The following CNTNAP5 variants were observed in gnomAD, a reference collection of about 807,000 sequenced individuals.
The protein encoded by CNTNAP5 is contactin-associated protein-like 5.
A neutral mutation model predicts 150.2 loss-of-function variants in CNTNAP5; 72 were observed. That is an observed-to-expected ratio of 0.48 (90% confidence interval 0.40 to 0.58). The LOEUF is 0.58. Among genes scored for constraint, CNTNAP5 ranks in the 20% least tolerant of loss-of-function variants. CNTNAP5 has a pLI of 0.00. For missense variants in CNTNAP5, 1,636 were observed against 1,626.2 expected, an observed-to-expected ratio of 1.01 and a Z score of -0.10; for synonymous variants, 672 against 619.8, an observed-to-expected ratio of 1.08 and a Z score of -1.25.
chr2:124,568,201 G>A lies in CNTNAP5; in HGVS notation c.1756+4878G>A, dbSNP rs13026032. Among the ~76,000 whole-genome samples, 430 of 152,272 alleles carry A rather than the reference G, an allele frequency of 2.8e-3. 1 individual carries two copies. The highest frequency in any genetic ancestry group is 4.5e-3 in the Non-Finnish European group (304 of 68,020). ...AGTAGAATAGTGTGAGATCATAATT[G>A]AAAATACAGTTCTAGAAGACTGAGA... On this transcript the variant is annotated intron_variant, in intron 11 of 23. Transcript: ENST00000682447.
At chr2:124,170,704 G>A (rs1415770348) in intron 1 of CNTNAP5, among the ~76,000 whole-genome samples, 3 of 152,174 alleles carry the variant, frequency 2.0e-5, no homozygotes, top group Non-Finnish European at 4.4e-5. Flanking sequence ...CATTGCATAT[G>A]GCTGCCTGGC....
chr2:124,262,622 A>T (rs1057094008), intron 3 of CNTNAP5, among the ~76,000 whole-genome samples: 1 of 151,954 alleles, frequency 6.6e-6, no homozygotes, highest in African/African-American at 2.4e-5. Flanking sequence ...TGGGTGGAGG[A>T]CAAAATAGAA....
At chr2:124,260,006 G>GA (rs756858388) in intron 3 of CNTNAP5, among the ~76,000 whole-genome samples, 35 of 152,050 alleles carry the variant, frequency 2.3e-4, no homozygotes, top group Non-Finnish European at 3.5e-4. Flanking sequence ...CACGGAATTG[G>GA]AAAAAAACTA....
chr2:124,262,254 T>C (rs1397806601), intron 3 of CNTNAP5, among the ~76,000 whole-genome samples: 1 of 151,980 alleles, frequency 6.6e-6, no homozygotes, highest in Non-Finnish European at 1.5e-5. Flanking sequence ...CAAAAAATAA[T>C]AAATGAATAA....
At chr2:124,820,032 A>T (rs1427276722) in intron 19 of CNTNAP5, among the ~76,000 whole-genome samples, 1 of 152,162 alleles carries the variant, frequency 6.6e-6, no homozygotes, top group East Asian at 1.9e-4. Context: ...TGTAAGGGAG[A>T]AGATTCTCTC....
intron 1 of CNTNAP5, among the ~76,000 whole-genome samples, chr2:124,108,474 A>C (rs1200720675): frequency 6.6e-6 from 1 of 151,714 alleles, no homozygotes; most frequent in Non-Finnish European, 1.5e-5. Context: ...CCCACTTCTC[A>C]CCCCTTTGCC....
intron 3 of CNTNAP5, among the ~76,000 whole-genome samples, chr2:124,274,785 G>A (rs969722912): frequency 6.6e-6 from 1 of 152,130 alleles, no homozygotes; most frequent in Non-Finnish European, 1.5e-5. Flanking sequence ...CAGTGTTGCT[G>A]GTTTGGGGTT....
chr2:124,507,729 G>A (rs1694447643), intron 8 of CNTNAP5, among the ~76,000 whole-genome samples: 8 of 152,264 alleles, frequency 5.3e-5, no homozygotes, highest in Admixed American at 5.2e-4. Flanking sequence ...TTTCTCTACA[G>A]ATGCAAGTCC....
intron 21 of CNTNAP5, among the ~76,000 whole-genome samples, chr2:124,898,212 C>T (rs2104755238): frequency 6.6e-6 from 1 of 151,296 alleles, no homozygotes; most frequent in African/African-American, 2.5e-5. Context: ...TCTTATAAGC[C>T]CCTGTTGTAT....
chr2:124,365,564 G>C (rs377279351), intron 3 of CNTNAP5, among the ~76,000 whole-genome samples: 1 of 152,174 alleles, frequency 6.6e-6, no homozygotes, highest in Non-Finnish European at 1.5e-5. Flanking sequence ...AGTTGGCCCT[G>C]CATGTCCCTT....
chr2:124,280,360 G>T (rs2104622321), intron 3 of CNTNAP5, among the ~76,000 whole-genome samples: 1 of 152,110 alleles, frequency 6.6e-6, no homozygotes, highest in African/African-American at 2.4e-5. Context: ...AGTAGAAACA[G>T]GGTTTCACCA....
At chr2:124,324,028 G>T (rs1300363848) in intron 3 of CNTNAP5, among the ~76,000 whole-genome samples, 1 of 152,142 alleles carries the variant, frequency 6.6e-6, no homozygotes, top group Non-Finnish European at 1.5e-5. Context: ...ACGAAAAAAA[G>T]AGCCAAAAAT....
chr2:124,674,073 T>C (rs1429612713), intron 13 of CNTNAP5, among the ~76,000 whole-genome samples: 1 of 152,152 alleles, frequency 6.6e-6, no homozygotes, highest in African/African-American at 2.4e-5. Context: ...ATATATCCTC[T>C]TTCATCCCTG....
intron 3 of CNTNAP5, among the ~76,000 whole-genome samples, chr2:124,305,111 C>CA (rs57896748): frequency 0.1 from 8,963 of 86,292 alleles, 653 homozygotes; most frequent in African/African-American, 0.21. Context: ...ACAAAAAATA[C>CA]AAAAAAAAAA....
At chr2:124,790,209 G>GTGA in intron 18 of CNTNAP5, 68 bp downstream of exon 18, 2 of 1,466,218 alleles carry the variant, frequency 1.4e-6, no homozygotes, top group Non-Finnish European at 1.8e-6. Flanking sequence ...GTCAGGCCAT[G>GTGA]TGATACTCAC....
At position 124,842,547 on chromosome 2, in the gene CNTNAP5, C is replaced by T. The variant is rs369534405; in HGVS notation, c.3218-22759C>T. On this transcript the variant is annotated intron_variant, in intron 19 of 23. Coordinates refer to ENST00000682447, the MANE Select transcript of CNTNAP5 (RefSeq NM_001367498.1). Reference sequence around the variant, plus strand: ...GAGTAGCAGTTGGTCTGTATTCATTCCCAGTAATGGGACTCTTTTTCTATG... The same window carrying T: ...GAGTAGCAGTTGGTCTGTATTCATTTCCAGTAATGGGACTCTTTTTCTATG... Among the ~76,000 whole-genome samples, 14 of 152,286 alleles carry T rather than the reference C, an allele frequency of 9.2e-5. No individual in the cohort carries two copies. In the East Asian group the frequency reaches 2.3e-3, roughly 25 times the overall value.
intron 19 of CNTNAP5, among the ~76,000 whole-genome samples, chr2:124,825,748 T>G (rs1171125359): frequency 6.6e-6 from 1 of 152,118 alleles, no homozygotes; most frequent in African/African-American, 2.4e-5. Context: ...ATACTTTATT[T>G]TTGTGGAAGA....
chr2:124,147,299 A>G (rs1684277990), intron 1 of CNTNAP5, among the ~76,000 whole-genome samples: 1 of 151,688 alleles, frequency 6.6e-6, no homozygotes, highest in South Asian at 2.1e-4. Flanking sequence ...TGCATGTACT[A>G]TATATCAGCT....
chr2:124,044,874 C>T (rs1681482091), intron 1 of CNTNAP5, among the ~76,000 whole-genome samples: 1 of 141,068 alleles, frequency 7.1e-6, no homozygotes, highest in Non-Finnish European at 1.5e-5. Context: ...CAGACGGAAG[C>T]AATGGTAGTG....
Sources: allele counts gnomAD v4.1 joint callset (sites outside exome capture counted in the v4.1 genomes callset), GRCh38; gene constraint gnomAD v4.1.1; transcripts MANE v1.5; gene names NCBI Gene and HGNC (gene_info 2026-07-23, HGNC 2026-07-21).